Variants in SLC8A1 observed in about 807,000 individuals in gnomAD.
SLC8A1 encodes solute carrier family 8 member A1.
In SLC8A1, 18 loss-of-function variants were observed where a neutral mutation model predicts 68.3. The observed-to-expected ratio is 0.26, with a 90% CI of 0.18 to 0.39. SLC8A1 has a LOEUF of 0.39. Ranked by LOEUF, SLC8A1 falls within the 10% of genes least tolerant of loss-of-function variation. The pLI is 1.00. For synonymous variants in SLC8A1, 475 were observed against 415.5 expected, an observed-to-expected ratio of 1.14 and a Z score of -1.74; for missense variants, 985 against 1,156.7, an observed-to-expected ratio of 0.85 and a Z score of 2.15.
chr2:40,142,914 T>G (rs1156261135), intron 6 of SLC8A1, among the ~76,000 whole-genome samples: 3 of 151,938 alleles, frequency 2.0e-5, no homozygotes, highest in African/African-American at 7.3e-5. Context: ...GAAATTACCT[T>G]CATGATCAAT....
intron 2 of SLC8A1, among the ~76,000 whole-genome samples, chr2:40,300,752 C>T (rs1195822328): frequency 6.6e-6 from 1 of 152,144 alleles, no homozygotes; most frequent in Non-Finnish European, 1.5e-5. Context: ...GCTGAAGACA[C>T]CAGCAGCCGT....
At chr2:40,442,686 TAC>T in intron 1 of SLC8A1, among the ~76,000 whole-genome samples, 1 of 152,234 alleles carries the variant, frequency 6.6e-6, no homozygotes, top group East Asian at 1.9e-4. Context: ...CATTGGGGAA[TAC>T]AGTGTGGCAA....
At chr2:40,254,608 T>TAA (rs2149060311) in intron 2 of SLC8A1, 1 of 152,346 alleles carries the variant, frequency 6.6e-6, no homozygotes, top group African/African-American at 2.4e-5. Context: ...TTATTATTTC[T>TAA]AATTTTCCTT....
chr2:40,420,795 C>T (rs535127256), intron 2 of SLC8A1, among the ~76,000 whole-genome samples: 2 of 152,282 alleles, frequency 1.3e-5, no homozygotes, highest in East Asian at 1.9e-4. Flanking sequence ...GATACATATT[C>T]CTCCTTGTGT....
At position 40,402,913 on chromosome 2, in the gene SLC8A1, C is replaced by T. The variant is rs1689170594; in HGVS notation, c.1808+25560G>A. Among the ~76,000 whole-genome samples the T allele has an allele frequency of 2.0e-5, 3 of 152,174 alleles. No homozygotes were observed. The South Asian group carries it at 6.2e-4, about 32-fold the overall frequency. Reference sequence around the variant, plus strand: ...GCTATTAGCTACCAACACAATTGTGCCATTTGATTTTTTATTTGTGACTTA... The same window carrying T: ...GCTATTAGCTACCAACACAATTGTGTCATTTGATTTTTTATTTGTGACTTA... On this transcript the variant is annotated intron_variant, in intron 2 of 7. Transcript: ENST00000406785.
chr2:40,377,129 G>T (rs1680152548), intron 2 of SLC8A1, among the ~76,000 whole-genome samples: 1 of 134,472 alleles, frequency 7.4e-6, no homozygotes, highest in Admixed American at 6.9e-5. Context: ...AGTTACTCAA[G>T]GAAGAGTTTA....
chr2:40,256,427 T>G (rs1442421272), intron 2 of SLC8A1, among the ~76,000 whole-genome samples: 1 of 152,192 alleles, frequency 6.6e-6, no homozygotes, highest in African/African-American at 2.4e-5. Flanking sequence ...ATATATGCAT[T>G]TACATGACAA....
chr2:40,416,368 G>T (rs530272382), intron 2 of SLC8A1, among the ~76,000 whole-genome samples: 20 of 152,082 alleles, frequency 1.3e-4, no homozygotes, highest in African/African-American at 3.9e-4. Context: ...AAGAAACAAA[G>T]ATTTAAGCTA....
intron 2 of SLC8A1, among the ~76,000 whole-genome samples, chr2:40,299,393 C>T (rs1195459789): frequency 6.6e-6 from 1 of 152,140 alleles, no homozygotes; most frequent in East Asian, 1.9e-4. Flanking sequence ...AGACTCTCCT[C>T]CTTTCTTGAC....
intron 2 of SLC8A1, among the ~76,000 whole-genome samples, chr2:40,383,438 C>T (rs962292737): frequency 1.3e-5 from 2 of 151,974 alleles, no homozygotes; most frequent in Non-Finnish European, 2.9e-5. Flanking sequence ...CTGTCATTCG[C>T]TTCATATTTT....
At chr2:40,204,426 T>C (rs1051209132) in intron 2 of SLC8A1, among the ~76,000 whole-genome samples, 17 of 152,028 alleles carry the variant, frequency 1.1e-4, no homozygotes, top group Non-Finnish European at 2.1e-4. Context: ...ATGACAACTA[T>C]GTACTGCAAT....
intron 6 of SLC8A1, among the ~76,000 whole-genome samples, chr2:40,156,756 T>C (rs905275376): frequency 6.6e-6 from 1 of 152,212 alleles, no homozygotes; most frequent in Non-Finnish European, 1.5e-5. Context: ...CATGTCTATG[T>C]ATGCATGTTT....
At chr2:40,183,018 G>A (rs1205231821) in intron 2 of SLC8A1, among the ~76,000 whole-genome samples, 1 of 152,098 alleles carries the variant, frequency 6.6e-6, no homozygotes, top group Admixed American at 6.5e-5. Context: ...GTCTTTTAAG[G>A]TTTACCCTCT....
chr2:40,253,561 C>A (rs539053543), intron 2 of SLC8A1, among the ~76,000 whole-genome samples: 3 of 152,080 alleles, frequency 2.0e-5, no homozygotes, highest in Admixed American at 2.0e-4. Flanking sequence ...CGCGGTGGCT[C>A]ATGCCTGTAA....
At chr2:40,434,465 C>T (rs536643750) in intron 1 of SLC8A1, among the ~76,000 whole-genome samples, 2 of 152,136 alleles carry the variant, frequency 1.3e-5, no homozygotes, top group Non-Finnish European at 2.9e-5. Context: ...TTTCCTCTAT[C>T]ATCAGATTCA....
At chr2:40,450,634 A>G (rs1183998517) in intron 1 of SLC8A1, among the ~76,000 whole-genome samples, 1 of 152,048 alleles carries the variant, frequency 6.6e-6, no homozygotes, top group East Asian at 1.9e-4. Flanking sequence ...TTCTTCCACT[A>G]CACCTCCCAC....
chr2:40,209,127 G>A (rs1480304056), intron 2 of SLC8A1: 4 of 152,106 alleles, frequency 2.6e-5, no homozygotes, highest in Non-Finnish European at 5.9e-5. Flanking sequence ...TAGTATGCTA[G>A]ATGTGCTATG....
chr2:40,216,528 T>C (rs10183585), intron 2 of SLC8A1, among the ~76,000 whole-genome samples: 17,767 of 152,216 alleles, frequency 0.12, 1,117 homozygotes, highest in Non-Finnish European at 0.13. Context: ...TGTAATGGGA[T>C]TGCTTGATCA....
At chr2:40,468,497 T>C (rs780845447) in intron 1 of SLC8A1, among the ~76,000 whole-genome samples, 1 of 152,188 alleles carries the variant, frequency 6.6e-6, no homozygotes, top group Non-Finnish European at 1.5e-5. Context: ...CGAATAATTT[T>C]TAGATTATTA....
Sources: allele counts gnomAD v4.1 joint callset (sites outside exome capture counted in the v4.1 genomes callset), GRCh38; gene constraint gnomAD v4.1.1; transcripts MANE v1.5; gene names NCBI Gene and HGNC (gene_info 2026-07-23, HGNC 2026-07-21).